FOCAD: variants seen among roughly 807,000 people sequenced by gnomAD.
FOCAD encodes the protein KIAA1797.
In FOCAD, 198 loss-of-function variants were observed where a neutral mutation model predicts 225.6. The ratio of observed to expected loss-of-function variants is 0.88; its 90% CI spans 0.78 to 0.99. The LOEUF is 0.99. Among genes scored for constraint, FOCAD ranks in the 50% least tolerant of loss-of-function variants. FOCAD has a pLI of 0.00. For missense variants in FOCAD, 2,713 were observed against 2,123.6 expected, an observed-to-expected ratio of 1.28 and a Z score of -5.46; for synonymous variants, 897 against 755.0, an observed-to-expected ratio of 1.19 and a Z score of -3.08.
chr9:20,766,898 A>G (rs963842820), intron 7 of FOCAD, among the ~76,000 whole-genome samples: 1 of 152,030 alleles, frequency 6.6e-6, no homozygotes, highest in Non-Finnish European at 1.5e-5. Context: ...ATATGTATAC[A>G]TGTGCCATGC....
intron 11 of FOCAD, among the ~76,000 whole-genome samples, chr9:20,791,358 A>G (rs567218955): frequency 4.8e-4 from 73 of 152,156 alleles, no homozygotes; most frequent in Non-Finnish European, 9.4e-4. Context: ...TTAGTTCCCA[A>G]TTAATAATTG....
intron 7 of FOCAD, among the ~76,000 whole-genome samples, chr9:20,769,743 A>G (rs1367620279): frequency 2.0e-5 from 3 of 152,224 alleles, no homozygotes; most frequent in Non-Finnish European, 4.4e-5. Context: ...TTGTCATGTA[A>G]CTTGTTTTAA....
At chr9:20,669,209 G>A (rs1360843892) in intron 2 of FOCAD, among the ~76,000 whole-genome samples, 1 of 152,076 alleles carries the variant, frequency 6.6e-6, no homozygotes, top group East Asian at 1.9e-4. Context: ...TCAGGGTTGT[G>A]CAAGGGGAGG....
intron 15 of FOCAD, among the ~76,000 whole-genome samples, chr9:20,838,081 A>G (rs1387208917): frequency 6.6e-6 from 1 of 152,158 alleles, no homozygotes. Flanking sequence ...ATTGTATTTA[A>G]ACAATGCAAT....
chr9:20,843,124 G>C (rs1021900717), intron 15 of FOCAD, among the ~76,000 whole-genome samples: 3 of 151,906 alleles, frequency 2.0e-5, no homozygotes, highest in Non-Finnish European at 4.4e-5. Flanking sequence ...TTCTACTCAA[G>C]ATATGAGTAG....
chr9:20,870,386 C>T (rs1267690762), intron 18 of FOCAD, among the ~76,000 whole-genome samples: 1 of 152,160 alleles, frequency 6.6e-6, no homozygotes, highest in East Asian at 1.9e-4. Context: ...CCATAGGTTA[C>T]AGACACAGAA....
chr9:20,706,555 C>G (rs982478430), intron 1 of FOCAD, among the ~76,000 whole-genome samples: 6 of 152,156 alleles, frequency 3.9e-5, no homozygotes, highest in South Asian at 2.1e-4. Context: ...TACCGATGGT[C>G]CAGTGGAAAG....
chr9:20,820,453 T>A, intron 13 of FOCAD, 28 bp downstream of exon 13: 1 of 1,562,924 alleles, frequency 6.4e-7, no homozygotes. Context: ...CTTGCATGAG[T>A]ATTAAATATG....
intron 11 of FOCAD, among the ~76,000 whole-genome samples, chr9:20,797,846 T>C (rs569176522): frequency 2.6e-5 from 4 of 152,180 alleles, no homozygotes; most frequent in East Asian, 3.9e-4. Context: ...ATTTCCTTCT[T>C]CTGCCTGATT....
intron 35 of FOCAD, among the ~76,000 whole-genome samples, chr9:20,972,126 C>A (rs1419443894): frequency 6.6e-6 from 1 of 152,024 alleles, no homozygotes; most frequent in East Asian, 1.9e-4. Flanking sequence ...AGTGAGGTTG[C>A]TGGATTATAT....
chr9:20,719,778 C>CTTTTTTTTTT (rs34384301), intron 3 of FOCAD, among the ~76,000 whole-genome samples: 12 of 62,130 alleles, frequency 1.9e-4, no homozygotes, highest in East Asian at 5.2e-4. Flanking sequence ...TTTTCCTAGG[C>CTTTTTTTTTT]TTTTTTTTTT....
chr9:20,995,792 A>G lies in FOCAD; in HGVS notation c.*163A>G, dbSNP rs1464985239. The stretch of plus-strand genomic sequence containing the variant: ...ACTGACAGCTTGACACATGCCTCCT[A>G]AGAGAGGAGTGCATTGCTTTAGTAC... On this transcript the variant is annotated 3_prime_UTR_variant, in exon 44 of 44. Transcript: ENST00000338382. The G allele has an allele frequency of 1.9e-6, 1 of 530,448 alleles. No homozygotes were observed. The highest frequency in any genetic ancestry group is 1.9e-5 in the African/African-American group (1 of 51,470). The allele number at this position is 530,448 out of a possible 1,614,324, so 32.9% of individuals were successfully genotyped here.
chr9:20,833,796 G>C (rs899505420), intron 15 of FOCAD, among the ~76,000 whole-genome samples: 5 of 152,016 alleles, frequency 3.3e-5, no homozygotes, highest in Non-Finnish European at 7.4e-5. Flanking sequence ...CAGCATCACT[G>C]GTCATTGGGA....
At chr9:20,978,639 C>G (rs1840417772) in intron 37 of FOCAD, among the ~76,000 whole-genome samples, 185 bp downstream of exon 37, 1 of 152,232 alleles carries the variant, frequency 6.6e-6, no homozygotes, top group South Asian at 2.1e-4. Context: ...CTGCCATAGC[C>G]ATTACCGTTC....
chr9:20,936,026 C>T (rs1487425147), intron 28 of FOCAD, among the ~76,000 whole-genome samples: 1 of 152,312 alleles, frequency 6.6e-6, no homozygotes, highest in East Asian at 1.9e-4. Context: ...TTCAGTTAGT[C>T]TGTGTGACTT....
chr9:20,957,991 A>G (rs1414895668), intron 35 of FOCAD, among the ~76,000 whole-genome samples: 1 of 152,118 alleles, frequency 6.6e-6, no homozygotes, highest in Non-Finnish European at 1.5e-5. Flanking sequence ...TGAATTTGCA[A>G]AAATATAAAA....
chr9:20,957,743 C>T (rs1181902958), intron 35 of FOCAD: 1 of 132,842 alleles, frequency 7.5e-6, no homozygotes, highest in Admixed American at 8.6e-5. Context: ...GTCTTGAACT[C>T]CTGGCCTCAA....
At chr9:20,880,604 A>T (rs1352523298) in intron 19 of FOCAD, among the ~76,000 whole-genome samples, 1 of 152,162 alleles carries the variant, frequency 6.6e-6, no homozygotes, top group Non-Finnish European at 1.5e-5. Flanking sequence ...GGAAAACGTC[A>T]CATATTGGTG....
intron 1 of FOCAD, among the ~76,000 whole-genome samples, chr9:20,693,530 G>A (rs1430359011): frequency 6.6e-6 from 1 of 152,112 alleles, no homozygotes; most frequent in Non-Finnish European, 1.5e-5. Flanking sequence ...TTTTCCCAGT[G>A]CTTAGTATAG....
Sources: allele counts gnomAD v4.1 joint callset (sites outside exome capture counted in the v4.1 genomes callset), GRCh38; gene constraint gnomAD v4.1.1; transcripts MANE v1.5; gene names NCBI Gene and HGNC (gene_info 2026-07-23, HGNC 2026-07-21).